Variants in ARHGEF17 observed in about 807,000 individuals in gnomAD.
The protein encoded by ARHGEF17 is Rho guanine nucleotide exchange factor 17, also known as 164 kDa Rho-specific guanine-nucleotide exchange factor.
In ARHGEF17, 80 loss-of-function variants were observed where a neutral mutation model predicts 174.0. The observed-to-expected ratio is 0.46, with a 90% CI of 0.38 to 0.55. ARHGEF17 has a LOEUF of 0.55. Among genes scored for constraint, ARHGEF17 ranks in the 20% least tolerant of loss-of-function variants. The pLI, the probability that ARHGEF17 is intolerant of heterozygous loss-of-function variation, is 0.00. For synonymous variants in ARHGEF17, 1,311 were observed against 1,189.1 expected, an observed-to-expected ratio of 1.10 and a Z score of -2.11; for missense variants, 2,886 against 2,839.7, an observed-to-expected ratio of 1.02 and a Z score of -0.37.
chr11:73,362,634 G>A lies in ARHGEF17; in HGVS notation c.4896G>A (p.Leu1632=). Residue 1632 remains leucine (L), a synonymous_variant, in exon 14 of 21, where the codon CTG becomes CTA. Coordinates refer to ENST00000263674, the MANE Select transcript of ARHGEF17 (RefSeq NM_014786.4). ...GLGEGDPRPE[L]VPFDSDSDDE... ...GCGAGGGTGACCCCCGCCCAGAGCT[G>A]GTGCCCTTTGACAGTGACTCTGACG... 1 of 1,611,624 alleles carries A rather than the reference G, an allele frequency of 6.2e-7. No homozygotes were observed.
chr11:73,347,508 A>G (rs1865484034), intron 2 of ARHGEF17, among the ~76,000 whole-genome samples: 1 of 152,208 alleles, frequency 6.6e-6, no homozygotes, highest in South Asian at 2.1e-4. Context: ...GGAGGTGCTC[A>G]CTTCCACCAT....
intron 15 of ARHGEF17, 56 bp from the exon 16 acceptor site, chr11:73,363,691 C>T: frequency 6.2e-7 from 1 of 1,600,992 alleles, no homozygotes; most frequent in South Asian, 1.1e-5. Context: ...GGAGGGATGA[C>T]TCCAGGGGCT....
intron 1 of ARHGEF17, among the ~76,000 whole-genome samples, chr11:73,313,650 GC>G (rs1864880212): frequency 6.6e-6 from 1 of 152,200 alleles, no homozygotes; most frequent in Non-Finnish European, 1.5e-5. Context: ...TGATCTCCAA[GC>G]TTTTGCCCAC....
At position 73,310,509 on chromosome 11, in the gene ARHGEF17, G is replaced by T; in HGVS notation, c.1871G>T (p.Gly624Val). Reference protein sequence around the residue: ...DAPPGSPDWAGDVTRGQRSQE... With the variant: ...DAPPGSPDWAVDVTRGQRSQE... ...CCCCCTGGAAGCCCTGACTGGGCAG[G>T]GGATGTGACCCGAGGGCAGCGGTCC... is the stretch of plus-strand genomic sequence containing the variant. Residue 624 changes from glycine to valine, a missense_variant, in exon 1 of 21, where the codon GGG (glycine) becomes GTG (valine). Transcript: ENST00000263674. 2 of 1,614,038 alleles carry T rather than the reference G, an allele frequency of 1.2e-6. No individual in the cohort carries two copies. The highest frequency in any genetic ancestry group is 1.7e-6 in the Non-Finnish European group (2 of 1,180,050).
chr11:73,337,743 C>T (rs1400205170), intron 1 of ARHGEF17, among the ~76,000 whole-genome samples: 1 of 152,106 alleles, frequency 6.6e-6, no homozygotes, highest in African/African-American at 2.4e-5. Context: ...ATTGAAGTGA[C>T]CCCTTCACTT....
rs762157933 is a variant in ARHGEF17, at chr11:73,355,934, G to T, written c.3644G>T (p.Arg1215Leu). ...LMIKPVQRIP[R>L]YELLVKDLLK... ...ATCAAGCCTGTGCAGCGGATCCCAC[G>T]CTACGAGCTTCTGGTGAAGGTGGGC... The change falls in exon 5 of 21, where the codon CGC (arginine) becomes CTC (leucine). Residue 1215 changes from arginine to leucine, a missense_variant. By Grantham distance (102) the Arg-to-Leu change is moderately radical (BLOSUM62 -2). Around this residue, in one of 4 missense-constraint regions of ARHGEF17, gnomAD observed 353 missense variants for 470.3 expected, o/e 0.75. Coordinates refer to ENST00000263674, the MANE Select transcript of ARHGEF17 (RefSeq NM_014786.4). 1 of 1,614,166 alleles carries T rather than the reference G, an allele frequency of 6.2e-7. No homozygotes were observed. The highest frequency in any genetic ancestry group is 1.1e-5 in the South Asian group (1 of 91,080).
intron 1 of ARHGEF17, among the ~76,000 whole-genome samples, chr11:73,329,634 A>G (rs1031334769): frequency 6.6e-6 from 1 of 151,848 alleles, no homozygotes; most frequent in Non-Finnish European, 1.5e-5. Context: ...TCCTGACTTC[A>G]GGCGATCCGC....
At chr11:73,319,730 G>A (rs909805296) in intron 1 of ARHGEF17, among the ~76,000 whole-genome samples, 4 of 152,214 alleles carry the variant, frequency 2.6e-5, no homozygotes, top group African/African-American at 7.2e-5. Flanking sequence ...GTTGGGCAGT[G>A]GGGACACACG....
At position 73,310,465 on chromosome 11, in the gene ARHGEF17, AGAT is replaced by A. The variant is rs1161290823; in HGVS notation, c.1832_1834del (p.Asp611del). The A allele has an allele frequency of 1.2e-6, 2 of 1,613,874 alleles. No homozygotes were observed. Among genetic ancestry groups the A allele is most frequent in the African/African-American group, 2.7e-5 (2 of 74,924 alleles). ...AGATCCAGCGCATGGGTGCCCAACA[AGAT>A]GATGGAAGCGATGCCCCCCCTGGAA... is the stretch of plus-strand genomic sequence containing the variant. On this transcript the variant is annotated inframe_deletion, in exon 1 of 21. Transcript: ENST00000263674.
rs141508177 is a variant in ARHGEF17, at chr11:73,328,155, A to G, written c.3192+16325A>G. Among the ~76,000 whole-genome samples the G allele has an allele frequency of 2.8e-3, 433 of 152,232 alleles. 2 individuals carry two copies. The highest frequency in any genetic ancestry group is 4.4e-3 in the Non-Finnish European group (299 of 67,996). On this transcript the variant is annotated intron_variant, in intron 1 of 20. Transcript: ENST00000263674. ...AGGAAGAGCCCCAGGGATGGAGAGAAGAGGATGGGGTCACTGAGAGTAGCC... is the reference window on the plus strand; with the variant it reads ...AGGAAGAGCCCCAGGGATGGAGAGAGGAGGATGGGGTCACTGAGAGTAGCC...
chr11:73,310,562 A>C lies in ARHGEF17; in HGVS notation c.1924A>C (p.Ser642Arg). The C allele has an allele frequency of 6.2e-7, 1 of 1,614,128 alleles. No homozygotes were observed. The highest frequency in any genetic ancestry group is 8.5e-7 in the Non-Finnish European group (1 of 1,180,030). ...SQEELSGPES[S>R]LTDEGIGADP... ...GGAGGAGCTCTCAGGCCCTGAGTCCAGTCTGACAGATGAAGGCATTGGGGC... is the reference window on the plus strand; with the variant it reads ...GGAGGAGCTCTCAGGCCCTGAGTCCCGTCTGACAGATGAAGGCATTGGGGC... The change falls in exon 1 of 21, where the codon AGT becomes CGT. Residue 642 changes from serine to arginine, a missense_variant. Physicochemically the swap from Ser to Arg is moderately radical, Grantham distance 110. This residue lies in a region of ARHGEF17 where 1,728 missense variants were observed against 1,461.2 expected (regional missense o/e 1.18). Transcript: ENST00000263674.
In ARHGEF17 at chr11:73,310,906, C is replaced by T. The variant is rs377480255; in HGVS notation, c.2268C>T (p.Asp756=). The change falls in exon 1 of 21, where the codon GAC becomes GAT. Residue 756 remains aspartate, a synonymous_variant. Coordinates refer to ENST00000263674, the MANE Select transcript of ARHGEF17 (RefSeq NM_014786.4). ...AAGAGCCTACTGGGTTCTCTGTGGA[C>T]AGCAACCTCCTGGGCTCACTGAGCC... The part of the protein sequence containing the change: ...TSEEPTGFSV[D]SNLLGSLSPK... The T allele has an allele frequency of 3.1e-6, 5 of 1,613,438 alleles. No individual in the cohort carries two copies. Among genetic ancestry groups the T allele is most frequent in the African/African-American group, 1.3e-5 (1 of 74,928 alleles).
At chr11:73,344,254 C>G (rs1206002804) in intron 1 of ARHGEF17, among the ~76,000 whole-genome samples, 2 of 152,230 alleles carry the variant, frequency 1.3e-5, no homozygotes, top group East Asian at 3.9e-4. Flanking sequence ...CTGTCCACCC[C>G]CGCAACCCCC....
intron 1 of ARHGEF17, among the ~76,000 whole-genome samples, chr11:73,325,617 C>T (rs1303112551): frequency 6.6e-6 from 1 of 152,266 alleles, no homozygotes; most frequent in Admixed American, 6.5e-5. Flanking sequence ...ACAAAGACAT[C>T]TGTACAGATA....
In ARHGEF17 at chr11:73,362,322, G is replaced by C. The variant is rs933403473; in HGVS notation, c.4694+83G>C. 9.7e-6 allele frequency: 14 copies of C among 1,446,328 alleles called. No individual in the cohort carries two copies. The African/African-American group carries it at 1.3e-4, about 13-fold the overall frequency. The allele number at this position is 1,446,328 out of a possible 1,614,324, so 89.6% of individuals were successfully genotyped here. On this transcript the variant is annotated intron_variant, in intron 13 of 20. Coordinates refer to ENST00000263674, the MANE Select transcript of ARHGEF17 (RefSeq NM_014786.4). ...CCCAGCACACTCTCAGGCCGCCCCG[G>C]CGTGGTTGTGGGCGGGGCCCGGCGA...
chr11:73,329,373 A>T (rs149781395), intron 1 of ARHGEF17, among the ~76,000 whole-genome samples: 8,394 of 12,952 alleles, frequency 0.65, 2,407 homozygotes, highest in East Asian at 0.73. Flanking sequence ...ATATATATAT[A>T]TTTTTTTTTT....
At chr11:73,320,662 T>C (rs1466478304) in intron 1 of ARHGEF17, among the ~76,000 whole-genome samples, 2 of 116,888 alleles carry the variant, frequency 1.7e-5, no homozygotes, top group African/African-American at 9.6e-5. Context: ...ATGATGATGA[T>C]TTTTTTTTTT....
At position 73,361,119 on chromosome 11, in the gene ARHGEF17, C is replaced by G; in HGVS notation, c.4452C>G (p.Phe1484Leu). 6.2e-7 allele frequency: 1 copy of G among 1,614,124 alleles called. No homozygotes were observed. The highest frequency in any genetic ancestry group is 1.1e-5 in the South Asian group (1 of 91,086). Residue 1484 changes from phenylalanine to leucine, a missense_variant, in exon 12 of 21, where the codon TTC becomes TTG. Physicochemically the swap from Phe to Leu is conservative, Grantham distance 22. Around this residue, in one of 4 missense-constraint regions of ARHGEF17, gnomAD observed 476 missense variants for 473.1 expected, o/e 1.01. Coordinates refer to ENST00000263674, the MANE Select transcript of ARHGEF17 (RefSeq NM_014786.4). ...ASSKSCLDPE[F>L]LKAIPIMKTR... is the part of the protein sequence containing the mutation. ...GCAAAAGCTGTCTAGACCCTGAGTT[C>G]CTGAAGGCCATCCCCATCATGAAAA...
At chr11:73,362,342 C>T (rs1051894852) in intron 13 of ARHGEF17, 91 bp from the exon 14 acceptor site, 2 of 1,445,720 alleles carry the variant, frequency 1.4e-6, no homozygotes, top group African/African-American at 1.4e-5. Flanking sequence ...GGGCGGGGCC[C>T]GGCGAGTGTG....
Sources: allele counts gnomAD v4.1 joint callset (sites outside exome capture counted in the v4.1 genomes callset), GRCh38; gene constraint gnomAD v4.1.1; regional missense constraint gnomAD v4.1.1; transcripts MANE v1.5; gene names NCBI Gene and HGNC (gene_info 2026-07-23, HGNC 2026-07-21).